Variants in HYAL4 observed in about 807,000 individuals in gnomAD.
HYAL4 encodes the protein hyaluronidase-4.
A neutral mutation model predicts 35.2 loss-of-function variants in HYAL4; 37 were observed. The ratio of observed to expected loss-of-function variants is 1.05; its 90% confidence interval spans 0.81 to 1.38. The LOEUF (loss-of-function observed/expected upper bound fraction) is 1.38, where lower values mean the gene tolerates loss of function less well. Among genes scored for constraint, HYAL4 ranks in the 40% most tolerant of loss-of-function variants. HYAL4 has a pLI of 0.00. For missense variants in HYAL4, 572 were observed against 572.4 expected, an observed-to-expected ratio of 1.00 and a Z score of 0.01; for synonymous variants, 198 against 203.2, an observed-to-expected ratio of 0.97 and a Z score of 0.22.
intron 3 of HYAL4, among the ~76,000 whole-genome samples, chr7:123,871,102 CTT>C (rs1230762527): frequency 1.3e-5 from 2 of 151,868 alleles, no homozygotes; most frequent in Non-Finnish European, 2.9e-5. Context: ...ATTCTGCACT[CTT>C]TTTTTCCGAG....
At chr7:123,824,853 T>C (rs1805777856), upstream of HYAL4, among the ~76,000 whole-genome samples, 1 of 152,146 alleles carries the variant, frequency 6.6e-6, no homozygotes, top group African/African-American at 2.4e-5. Context: ...CAAGAACCTG[T>C]AGCAGAGCTT....
In HYAL4 at chr7:123,868,540, A is replaced by AT. The variant is rs1563003395; in HGVS notation, c.271dup (p.Tyr91LeufsTer19). ...AGGCCAGGGGGCAAAATGTCACTAT[A>AT]TTTTATGTCAACAGATTGGGATACT... On this transcript the variant is annotated frameshift_variant, in exon 3 of 5. Coordinates refer to ENST00000223026, the MANE Select transcript of HYAL4 (RefSeq NM_012269.3). LOFTEE classifies it high-confidence loss of function. The AT allele has an allele frequency of 6.2e-7, 1 of 1,611,926 alleles. No homozygotes were observed.
chr7:123,812,787 A>C, the HYAL4 span, among the ~76,000 whole-genome samples: 1 of 152,154 alleles, frequency 6.6e-6, no homozygotes, highest in South Asian at 2.1e-4. Flanking sequence ...CCTGAACAAC[A>C]AATAAAGAAT....
chr7:123,872,183 A>G (rs1204433528), intron 3 of HYAL4, among the ~76,000 whole-genome samples: 2 of 151,986 alleles, frequency 1.3e-5, no homozygotes, highest in Non-Finnish European at 2.9e-5. Flanking sequence ...TGGAGTCTCC[A>G]ATGTCTATTA....
At chr7:123,812,741 A>G in the HYAL4 span, among the ~76,000 whole-genome samples, 202 of 152,286 alleles carry the variant, frequency 1.3e-3, 1 homozygote, top group South Asian at 2.3e-3. Flanking sequence ...GAGGTAAAGA[A>G]TAATATTTAT....
At chr7:123,844,005 A>G (rs1806123378), upstream of HYAL4, among the ~76,000 whole-genome samples, 1 of 151,982 alleles carries the variant, frequency 6.6e-6, no homozygotes, top group African/African-American at 2.4e-5. Context: ...CTGTCAACTC[A>G]TCAAAGTTAT....
chr7:123,770,738 A>T, the HYAL4 span, among the ~76,000 whole-genome samples: 1 of 152,178 alleles, frequency 6.6e-6, no homozygotes, highest in South Asian at 2.1e-4. Flanking sequence ...TTTTGGGGCA[A>T]AGAATTTACA....
At chr7:123,856,656 T>TG (rs370051646) in intron 2 of HYAL4, among the ~76,000 whole-genome samples, 1 of 152,132 alleles carries the variant, frequency 6.6e-6, no homozygotes, top group African/African-American at 2.4e-5. Context: ...TTAGGAGGCA[T>TG]GGGGGTGAGG....
the HYAL4 span, among the ~76,000 whole-genome samples, chr7:123,811,904 C>A: frequency 6.6e-6 from 1 of 152,042 alleles, no homozygotes; most frequent in Non-Finnish European, 1.5e-5. Flanking sequence ...TGCGGTGGCA[C>A]AATCTCAGCT....
the HYAL4 span, among the ~76,000 whole-genome samples, chr7:123,774,709 C>G: frequency 6.6e-6 from 1 of 152,146 alleles, no homozygotes; most frequent in African/African-American, 2.4e-5. Flanking sequence ...TTTTCTGATC[C>G]GGCTCACATA....
the HYAL4 span, chr7:123,790,687 G>A: frequency 1.4e-5 from 2 of 147,516 alleles, no homozygotes; most frequent in African/African-American, 2.5e-5. Flanking sequence ...TCCAATTTTA[G>A]TATATGTGCT....
upstream of HYAL4, among the ~76,000 whole-genome samples, chr7:123,843,749 C>A (rs894467638): frequency 6.6e-6 from 1 of 151,770 alleles, no homozygotes; most frequent in African/African-American, 2.4e-5. Context: ...CTAATTTGAT[C>A]TTCAATCACT....
chr7:123,832,834 A>G (rs998835412), intron 1 of HYAL4, among the ~76,000 whole-genome samples: 1 of 152,038 alleles, frequency 6.6e-6, no homozygotes, highest in Non-Finnish European at 1.5e-5. Flanking sequence ...GTTCCCACTT[A>G]TGAGTGACAA....
the HYAL4 span, among the ~76,000 whole-genome samples, chr7:123,791,019 C>T: frequency 1.3e-5 from 2 of 152,150 alleles, no homozygotes; most frequent in Non-Finnish European, 2.9e-5. Context: ...CCCGCCTCGG[C>T]CTCCCAAATT....
chr7:123,859,198 T>C (rs773220449), intron 2 of HYAL4, among the ~76,000 whole-genome samples: 28 of 152,178 alleles, frequency 1.8e-4, no homozygotes, highest in Non-Finnish European at 3.2e-4. Context: ...CCAAAACTAA[T>C]ATATAGTCAA....
the HYAL4 span, among the ~76,000 whole-genome samples, chr7:123,786,749 T>G: frequency 4.6e-5 from 7 of 151,684 alleles, no homozygotes; most frequent in African/African-American, 1.7e-4. Flanking sequence ...TATCTATCTA[T>G]CTATCTTTCA....
the HYAL4 span, among the ~76,000 whole-genome samples, chr7:123,770,440 T>TAAAAAAA: frequency 3.4e-5 from 4 of 118,506 alleles, no homozygotes; most frequent in Non-Finnish European, 3.6e-5. Flanking sequence ...AGACTCCATC[T>TAAAAAAA]AAAAAAAAAA....
chr7:123,768,179 A>G, the HYAL4 span, among the ~76,000 whole-genome samples: 1 of 152,220 alleles, frequency 6.6e-6, no homozygotes, highest in African/African-American at 2.4e-5. Flanking sequence ...TCATCCATCC[A>G]GAATCATAGG....
intron 2 of HYAL4, among the ~76,000 whole-genome samples, chr7:123,852,569 G>A (rs1337079158): frequency 1.3e-5 from 2 of 152,082 alleles, no homozygotes; most frequent in African/African-American, 4.8e-5. Context: ...TTATTTCTGA[G>A]GCCTCTGTTC....
Sources: gnomAD v4.1 joint callset for allele counts (sites outside exome capture counted in the v4.1 genomes callset) on GRCh38, gnomAD v4.1.1 for gene constraint, MANE v1.5 for transcripts, NCBI Gene and HGNC (gene_info 2026-07-23, HGNC 2026-07-21) for gene names.